Variants in DNMBP observed in about 807,000 individuals in gnomAD.
DNMBP encodes the protein dynamin-binding protein.
DNMBP carries 87 observed loss-of-function variants against 150.0 expected under a neutral mutation model. That is an observed-to-expected ratio of 0.58 (90% CI 0.49 to 0.69). DNMBP has a LOEUF of 0.69. Ranked by LOEUF, DNMBP falls within the 30% of genes least tolerant of loss-of-function variation. The pLI, the probability that DNMBP is intolerant of heterozygous loss-of-function variation, is 0.00. For synonymous variants in DNMBP, 711 were observed against 750.4 expected (o/e 0.95, Z 0.86); for missense variants, 1,774 against 1,949.0 (o/e 0.91, Z 1.69).
Position 99,956,250 on chromosome 10 carries a change from T to C in DNMBP, c.1224A>G (p.Val408=). ...TDSPTSDPTE[V]VNGISSQPQV... is the part of the protein sequence containing the mutation. ...GAGGTTGGGAGGAAATACCATTGAC[T>C]ACTTCTGTAGGGTCAGATGTGGGAG... The change falls in exon 4 of 17, where the codon GTA becomes GTG. Residue 408 remains valine (V), a synonymous_variant. Coordinates refer to ENST00000324109, the MANE Select transcript of DNMBP (RefSeq NM_015221.4). The C allele has an allele frequency of 6.2e-7, 1 of 1,613,854 alleles. No homozygotes were observed. The highest frequency in any genetic ancestry group is 8.5e-7 in the Non-Finnish European group (1 of 1,179,980).
At chr10:99,951,184 C>T (rs555442491) in intron 4 of DNMBP, among the ~76,000 whole-genome samples, 22 of 152,338 alleles carry the variant, frequency 1.4e-4, no homozygotes, top group Non-Finnish European at 1.9e-4. Flanking sequence ...GTTGAGCCTG[C>T]GGGTGCACAG....
intron 11 of DNMBP, among the ~76,000 whole-genome samples, chr10:99,892,673 T>G (rs1564720206): frequency 6.8e-5 from 10 of 146,436 alleles, no homozygotes; most frequent in Non-Finnish European, 1.2e-4. Flanking sequence ...TGTTCACTTG[T>G]TTATCTGCTG....
intron 4 of DNMBP, among the ~76,000 whole-genome samples, chr10:99,925,965 C>T (rs1348970168): frequency 6.6e-6 from 1 of 152,184 alleles, no homozygotes; most frequent in Admixed American, 6.5e-5. Flanking sequence ...CCAGTAATAA[C>T]ATAAGAGGCT....
In DNMBP at chr10:99,955,777, G is replaced by T; in HGVS notation, c.1697C>A (p.Pro566His). Residue 566 changes from proline (P) to histidine (H), a missense_variant, in exon 4 of 17, where the codon CCC (proline) becomes CAC (histidine). By Grantham distance (77) the Pro-to-His change is moderately conservative. This residue lies in a region of DNMBP where 1,430 missense variants were observed against 1,492.5 expected (regional missense o/e 0.96). Transcript: ENST00000324109. Reference sequence around the variant, plus strand: ...TAAAATTTTATCTGGCTCTGTGCCGGGCCCTGCCAAGCTCTTCTCAAACTC... The same window carrying T: ...TAAAATTTTATCTGGCTCTGTGCCGTGCCCTGCCAAGCTCTTCTCAAACTC... ...LIEFEKSLAG[P>H]GTEPDKILRH... The T allele has an allele frequency of 6.2e-7, 1 of 1,614,216 alleles. No individual in the cohort carries two copies. The highest frequency in any genetic ancestry group is 8.5e-7 in the Non-Finnish European group (1 of 1,180,042).
At chr10:99,969,050 T>C (rs2040648682) in intron 3 of DNMBP, 65 bp downstream of exon 3, 3 of 1,594,400 alleles carry the variant, frequency 1.9e-6, no homozygotes, top group East Asian at 2.2e-5. Context: ...AAGGATCTGG[T>C]TGTCGAAACG....
intron 4 of DNMBP, among the ~76,000 whole-genome samples, chr10:99,920,053 C>T (rs1410915763): frequency 1.3e-5 from 2 of 151,588 alleles, no homozygotes; most frequent in East Asian, 1.9e-4. Context: ...AACCTAATCT[C>T]TCAAAATAAG....
chr10:99,991,825 G>A (rs576049986), intron 1 of DNMBP, among the ~76,000 whole-genome samples: 12 of 149,686 alleles, frequency 8.0e-5, no homozygotes, highest in African/African-American at 2.7e-4. Flanking sequence ...AGAATGGTGT[G>A]AACCCAGGAG....
intron 1 of DNMBP, among the ~76,000 whole-genome samples, chr10:99,983,248 G>T (rs1387830833): frequency 1.3e-5 from 2 of 152,168 alleles, no homozygotes; most frequent in African/African-American, 4.8e-5. Context: ...TCAGGTCCCA[G>T]CAATGAGAAG....
chr10:99,930,118 GC>G, intron 4 of DNMBP: 1 of 702,856 alleles, frequency 1.4e-6, no homozygotes, highest in South Asian at 1.5e-5. Context: ...AAGCTCACAG[GC>G]TGACCATCAG....
chr10:99,989,252 A>C, intron 1 of DNMBP, among the ~76,000 whole-genome samples: 1 of 152,200 alleles, frequency 6.6e-6, no homozygotes, highest in East Asian at 1.9e-4. Context: ...TCCCTGTCAC[A>C]TTTTGGTAGG....
intron 1 of DNMBP, among the ~76,000 whole-genome samples, chr10:99,984,884 C>A (rs898074309): frequency 2.6e-5 from 4 of 152,182 alleles, no homozygotes; most frequent in African/African-American, 9.7e-5. Flanking sequence ...TGTGCCCCCA[C>A]ACCCAGATAA....
At chr10:99,877,662 A>AT (rs1235173656) in intron 16 of DNMBP, among the ~76,000 whole-genome samples, 1 of 152,124 alleles carries the variant, frequency 6.6e-6, no homozygotes, top group Non-Finnish European at 1.5e-5. Flanking sequence ...TTGGGAATTT[A>AT]AGACCAGCCT....
chr10:99,997,927 CAA>C (rs71009798), intron 1 of DNMBP, among the ~76,000 whole-genome samples: 722 of 22,152 alleles, frequency 0.033, no homozygotes, highest in African/African-American at 0.066. Flanking sequence ...GACTCTGTCT[CAA>C]AAAAAAAAAA....
chr10:99,990,278 C>T (rs1371098947), intron 1 of DNMBP, among the ~76,000 whole-genome samples: 3 of 151,980 alleles, frequency 2.0e-5, no homozygotes, highest in East Asian at 3.9e-4. Flanking sequence ...GCTGGCTAGG[C>T]GTGGTGGCTC....
intron 3 of DNMBP, 174 bp from the exon 4 acceptor site, chr10:99,957,379 C>T: frequency 1.5e-6 from 1 of 652,758 alleles, no homozygotes; most frequent in Non-Finnish European, 2.6e-6. Flanking sequence ...GTTCTATAAA[C>T]CTGTAGTTTT....
At position 99,957,148 on chromosome 10, in the gene DNMBP, C is replaced by T. The variant is rs1285879318; in HGVS notation, c.326G>A (p.Cys109Tyr). The T allele has an allele frequency of 6.2e-7, 1 of 1,610,858 alleles. No individual in the cohort carries two copies. The highest frequency in any genetic ancestry group is 1.7e-5 in the Admixed American group (1 of 59,998). ...PTAGWLQGRS[C>Y]WGARGFFPSS... ...TGGGAAGAAGCCCCGTGCGCCCCAGCAGCTTCGGCCCTGCAGCCAGCCTGC... is the reference window on the plus strand; with the variant it reads ...TGGGAAGAAGCCCCGTGCGCCCCAGTAGCTTCGGCCCTGCAGCCAGCCTGC... Residue 109 changes from cysteine (C) to tyrosine (Y), a missense_variant, in exon 4 of 17, where the codon TGC becomes TAC. This residue lies in a region of DNMBP where 344 missense variants were observed against 456.6 expected (regional missense o/e 0.75). Transcript: ENST00000324109.
chr10:99,969,175 G>A lies in DNMBP; in HGVS notation c.208C>T (p.Leu70=), dbSNP rs150544950. ...GTGAATTCACAAATGCACACAAACA[G>A]CCTCTCTCCCTCTTTTAGACTGGGA... is the stretch of plus-strand genomic sequence containing the variant. The part of the protein sequence containing the change: ...TIPSLKEGER[L]FVCICEFTSQ... The change falls in exon 3 of 17, where the codon CTG becomes TTG. Residue 70 remains leucine, a synonymous_variant. Transcript: ENST00000324109. 186 of 1,613,764 alleles carry A rather than the reference G, an allele frequency of 1.2e-4. No individual in the cohort carries two copies. The highest frequency in any genetic ancestry group is 1.5e-4 in the Non-Finnish European group (180 of 1,179,822).
intron 12 of DNMBP, 86 bp from the exon 13 acceptor site, chr10:99,886,718 T>C: frequency 7.5e-7 from 1 of 1,336,954 alleles, no homozygotes; most frequent in Non-Finnish European, 1.0e-6. Context: ...CTGACTTTGT[T>C]GTGTCCTGAA....
At chr10:99,932,345 G>C (rs371194474) in intron 4 of DNMBP, among the ~76,000 whole-genome samples, 1 of 152,130 alleles carries the variant, frequency 6.6e-6, no homozygotes, top group East Asian at 1.9e-4. Context: ...ATGACTCCTC[G>C]GATTCCCCCA....
Sources: gnomAD v4.1 joint callset for allele counts (sites outside exome capture counted in the v4.1 genomes callset) on GRCh38, gnomAD v4.1.1 for gene constraint, gnomAD v4.1.1 regional missense constraint, MANE v1.5 for transcripts, NCBI Gene and HGNC (gene_info 2026-07-23, HGNC 2026-07-21) for gene names.